Variants in ZNF385D observed in about 807,000 individuals in gnomAD.
The protein encoded by ZNF385D is zinc finger protein 659.
Under a neutral mutation model 35.8 loss-of-function variants are expected in ZNF385D, and 15 were observed. That is an observed-to-expected ratio of 0.42 (90% confidence interval 0.28 to 0.64). The LOEUF (loss-of-function observed/expected upper bound fraction) is 0.64. ZNF385D is among the 30% of genes least tolerant of loss of function. ZNF385D has a pLI of 0.23. For synonymous variants in ZNF385D, 212 were observed against 186.8 expected, an observed-to-expected ratio of 1.13 and a Z score of -1.10; for missense variants, 474 against 494.6, an observed-to-expected ratio of 0.96 and a Z score of 0.39.
chr3:21,859,171 A>C (rs1206407955), intron 3 of ZNF385D, among the ~76,000 whole-genome samples: 3 of 152,100 alleles, frequency 2.0e-5, no homozygotes, highest in Non-Finnish European at 4.4e-5. Context: ...CACAGGTAAG[A>C]GATGAAAACC....
intron 2 of ZNF385D, among the ~76,000 whole-genome samples, chr3:22,258,877 A>G (rs1700459895): frequency 6.6e-6 from 1 of 151,826 alleles, no homozygotes; most frequent in African/African-American, 2.4e-5. Flanking sequence ...TTGGTATTCA[A>G]TCTGCTATAA....
chr3:22,356,565 A>T (rs879613006), intron 2 of ZNF385D, among the ~76,000 whole-genome samples: 3 of 151,948 alleles, frequency 2.0e-5, no homozygotes, highest in Non-Finnish European at 2.9e-5. Context: ...TTCCCAACTG[A>T]TCATCTTTAC....
At chr3:22,057,913 C>T (rs73137198) in intron 3 of ZNF385D, among the ~76,000 whole-genome samples, 4,623 of 152,278 alleles carry the variant, frequency 0.03, 232 homozygotes, top group African/African-American at 0.11. Context: ...TGGAGAAAAT[C>T]ATTACAGTTC....
At chr3:22,207,938 A>G (rs1303482055) in intron 2 of ZNF385D, among the ~76,000 whole-genome samples, 2 of 151,824 alleles carry the variant, frequency 1.3e-5, no homozygotes, top group Admixed American at 1.3e-4. Flanking sequence ...AACAAATACT[A>G]GGGAGGATTG....
chr3:21,681,350 A>T (rs143356935), intron 1 of ZNF385D, among the ~76,000 whole-genome samples: 1 of 148,578 alleles, frequency 6.7e-6, no homozygotes, highest in African/African-American at 2.5e-5. Context: ...CATGGGAAGT[A>T]AATTTGATTG....
chr3:21,959,373 G>C (rs142761493), intron 3 of ZNF385D, among the ~76,000 whole-genome samples: 1,785 of 151,782 alleles, frequency 0.012, 35 homozygotes, highest in African/African-American at 0.041. Context: ...TTTTTCATTT[G>C]TCCAGCCAAA....
intron 2 of ZNF385D, among the ~76,000 whole-genome samples, chr3:22,204,945 A>T (rs1336096137): frequency 1.4e-5 from 2 of 147,392 alleles, no homozygotes; most frequent in East Asian, 4.1e-4. Context: ...TAGAAAGTTT[A>T]TGTAAAGTGC....
intron 2 of ZNF385D, among the ~76,000 whole-genome samples, chr3:22,170,445 C>G (rs1694332985): frequency 6.6e-6 from 1 of 152,182 alleles, no homozygotes; most frequent in South Asian, 2.1e-4. Flanking sequence ...ATACTTGAAT[C>G]TATTTATGGG....
intron 3 of ZNF385D, among the ~76,000 whole-genome samples, chr3:22,075,759 C>G (rs970369329): frequency 9.9e-5 from 15 of 151,946 alleles, no homozygotes; most frequent in African/African-American, 3.6e-4. Flanking sequence ...AGATTTTTCT[C>G]TGAGCTTTAG....
At chr3:22,160,216 T>C (rs1705857803) in intron 3 of ZNF385D, among the ~76,000 whole-genome samples, 1 of 152,078 alleles carries the variant, frequency 6.6e-6, no homozygotes, top group African/African-American at 2.4e-5. Context: ...TATAGCAGTA[T>C]GAAAATGGAC....
chr3:21,632,370 AATTT>A (rs2065307214), intron 2 of ZNF385D, among the ~76,000 whole-genome samples: 1 of 152,100 alleles, frequency 6.6e-6, no homozygotes. Flanking sequence ...TGGCTTTCTT[AATTT>A]GTTTATTTAC....
chr3:22,345,384 C>T (rs74986905), intron 2 of ZNF385D, among the ~76,000 whole-genome samples: 3,487 of 152,254 alleles, frequency 0.023, 129 homozygotes, highest in African/African-American at 0.08. Flanking sequence ...TGTAATTACT[C>T]ATCTCTTCAA....
chr3:22,156,930 A>C (rs2125731632), intron 3 of ZNF385D, among the ~76,000 whole-genome samples: 1 of 152,244 alleles, frequency 6.6e-6, no homozygotes, highest in South Asian at 2.1e-4. Flanking sequence ...AAGATAATCT[A>C]TCATTTTACA....
At chr3:21,770,125 A>G (rs2071012488) in intron 3 of ZNF385D, among the ~76,000 whole-genome samples, 1 of 152,210 alleles carries the variant, frequency 6.6e-6, no homozygotes, top group Admixed American at 6.5e-5. Flanking sequence ...ACCTAAAACC[A>G]TACAAACCCT....
Position 22,307,000 on chromosome 3 carries a change from A to G in ZNF385D, c.106+65450T>C, listed in dbSNP as rs531952384. ...TGCATTAGAGTTTCAAGAAGGTAAC[A>G]TAATACCCCATTGATGGCTCTGTAG... is the stretch of plus-strand genomic sequence containing the variant. On this transcript the variant is annotated intron_variant, in intron 2 of 5. Coordinates refer to the ZNF385D transcript ENST00000494108. Among the ~76,000 whole-genome samples, 7 of 152,310 alleles carry G rather than the reference A, an allele frequency of 4.6e-5. No homozygotes were observed. In the South Asian group the frequency reaches 6.2e-4, roughly 14 times the overall value.
At chr3:22,362,310 A>C (rs547570804) in intron 2 of ZNF385D, among the ~76,000 whole-genome samples, 1 of 152,154 alleles carries the variant, frequency 6.6e-6, no homozygotes, top group East Asian at 1.9e-4. Context: ...TGAAGAATCA[A>C]CGTGGAATAT....
chr3:21,537,264 C>G (rs1362952263), intron 3 of ZNF385D, among the ~76,000 whole-genome samples: 1 of 151,072 alleles, frequency 6.6e-6, no homozygotes, highest in Non-Finnish European at 1.5e-5. Context: ...TCCCAAGTAG[C>G]TGGGATTACA....
At chr3:21,805,239 T>C (rs76397911) in intron 3 of ZNF385D, among the ~76,000 whole-genome samples, 3,760 of 152,312 alleles carry the variant, frequency 0.025, 106 homozygotes, top group East Asian at 0.11. Context: ...TTAAATTAGA[T>C]TAATTCAAAT....
intron 2 of ZNF385D, among the ~76,000 whole-genome samples, chr3:22,194,352 T>C (rs1696263667): frequency 6.6e-6 from 1 of 151,942 alleles, no homozygotes; most frequent in South Asian, 2.1e-4. Flanking sequence ...TTGGGTTTTT[T>C]GAATTAAAAT....
Sources: allele counts gnomAD v4.1 joint callset (sites outside exome capture counted in the v4.1 genomes callset), GRCh38; gene constraint gnomAD v4.1.1; transcripts MANE v1.5; gene names NCBI Gene and HGNC (gene_info 2026-07-23, HGNC 2026-07-21).